Variants in ELMO1 observed in about 807,000 individuals in gnomAD.
ELMO1 encodes engulfment and cell motility 1.
ELMO1 carries 26 observed loss-of-function variants against 98.9 expected under a neutral mutation model. The observed-to-expected ratio is 0.26, with a 90% CI of 0.19 to 0.36. The LOEUF (loss-of-function observed/expected upper bound fraction) is 0.36. Ranked by LOEUF, ELMO1 falls within the 10% of genes least tolerant of loss-of-function variation. ELMO1 has a pLI of 1.00. For synonymous variants in ELMO1, 346 were observed against 346.0 expected (o/e 1.00, Z 0.00); for missense variants, 627 against 935.2 (o/e 0.67, Z 4.30).
chr7:36,866,204 T>G lies in ELMO1; in HGVS notation c.1905+4189A>C, dbSNP rs560701532. ...CACAAATCAGCTTATTTTTATAAAT[T>G]ATAGAGTTTGAATTTAGAATCCTTA... On this transcript the variant is annotated intron_variant, in intron 20 of 21. Transcript: ENST00000310758. Among the ~76,000 whole-genome samples the G allele has an allele frequency of 8.5e-5, 13 of 152,320 alleles. No individual in the cohort carries two copies. The East Asian group carries it at 2.5e-3, about 29-fold the overall frequency.
intron 13 of ELMO1, among the ~76,000 whole-genome samples, chr7:37,174,241 T>G (rs1013577338): frequency 3.3e-5 from 5 of 152,170 alleles, no homozygotes; most frequent in African/African-American, 1.2e-4. Context: ...TCATCTCACG[T>G]TTTTGTTAAT....
intron 2 of ELMO1, among the ~76,000 whole-genome samples, chr7:37,337,443 G>A (rs577434415): frequency 4.6e-5 from 7 of 151,790 alleles, no homozygotes; most frequent in African/African-American, 1.2e-4. Flanking sequence ...GAGTTAATGG[G>A]TGCAGCACAC....
At chr7:37,326,449 G>C (rs1367788432) in intron 2 of ELMO1, among the ~76,000 whole-genome samples, 1 of 151,648 alleles carries the variant, frequency 6.6e-6, no homozygotes, top group Non-Finnish European at 1.5e-5. Flanking sequence ...CAGCTACCCA[G>C]AGGGCTGAGG....
At chr7:37,360,093 T>G (rs1801642538) in intron 1 of ELMO1, among the ~76,000 whole-genome samples, 1 of 152,206 alleles carries the variant, frequency 6.6e-6, no homozygotes, top group African/African-American at 2.4e-5. Context: ...AGCTTTTACC[T>G]TTTCACTTCA....
chr7:37,002,697 G>GT (rs1284143320), intron 16 of ELMO1, among the ~76,000 whole-genome samples: 1 of 152,224 alleles, frequency 6.6e-6, no homozygotes, highest in African/African-American at 2.4e-5. Flanking sequence ...CATTTGAAGA[G>GT]TAAGTTGGAT....
At chr7:37,296,113 T>A (rs1798015419) in intron 4 of ELMO1, among the ~76,000 whole-genome samples, 1 of 152,178 alleles carries the variant, frequency 6.6e-6, no homozygotes, top group African/African-American at 2.4e-5. Context: ...TTTCTATGGA[T>A]CAGGAGTCTA....
intron 15 of ELMO1, among the ~76,000 whole-genome samples, chr7:37,059,512 T>C (rs1796559083): frequency 6.6e-6 from 1 of 152,234 alleles, no homozygotes. Context: ...TTTCTGTGTT[T>C]CACTGCTTTT....
chr7:37,230,401 C>A (rs1400155833), intron 8 of ELMO1, among the ~76,000 whole-genome samples: 1 of 152,108 alleles, frequency 6.6e-6, no homozygotes, highest in African/African-American at 2.4e-5. Flanking sequence ...AAGCAAGGCT[C>A]CGGGAACTAT....
In ELMO1 at chr7:36,940,390, T is replaced by G. The variant is rs190868518; in HGVS notation, c.1438-45373A>C. Among the ~76,000 whole-genome samples the G allele has an allele frequency of 3.9e-5, 6 of 152,312 alleles. No individual in the cohort carries two copies. In the South Asian group the frequency reaches 1.0e-3, roughly 26 times the overall value. The stretch of plus-strand genomic sequence containing the variant: ...TTTCTACAGTGGGACTTAAGGAGAA[T>G]AGGGAACTACCAAAGCTCCTCTGAG... On this transcript the variant is annotated intron_variant, in intron 16 of 21. Transcript: ENST00000310758.
At chr7:37,103,612 G>A (rs1384297855) in intron 14 of ELMO1, among the ~76,000 whole-genome samples, 2 of 151,818 alleles carry the variant, frequency 1.3e-5, no homozygotes, top group Non-Finnish European at 2.9e-5. Context: ...GCACAACGTG[G>A]CACATGTATA....
At chr7:37,318,656 A>G (rs972948375) in intron 2 of ELMO1, among the ~76,000 whole-genome samples, 1 of 152,226 alleles carries the variant, frequency 6.6e-6, no homozygotes, top group Non-Finnish European at 1.5e-5. Context: ...GACAAAGATG[A>G]AAGAAAAACT....
At chr7:37,382,984 T>G (rs938722530) in intron 1 of ELMO1, among the ~76,000 whole-genome samples, 1 of 152,224 alleles carries the variant, frequency 6.6e-6, no homozygotes, top group Non-Finnish European at 1.5e-5. Context: ...TATGAGTAAG[T>G]TGCAGATGTG....
At chr7:37,417,308 G>A (rs78546233) in intron 1 of ELMO1, among the ~76,000 whole-genome samples, 3,912 of 152,206 alleles carry the variant, frequency 0.026, 178 homozygotes, top group African/African-American at 0.087. Context: ...GGTCATTTGG[G>A]CAGGTGCTAA....
At chr7:37,048,171 G>A (rs1487704201) in intron 15 of ELMO1, among the ~76,000 whole-genome samples, 5 of 152,160 alleles carry the variant, frequency 3.3e-5, no homozygotes, top group African/African-American at 1.2e-4. Context: ...AGGGTGTTTA[G>A]CAGCATTCCT....
At chr7:37,077,984 G>A (rs968215311) in intron 15 of ELMO1, among the ~76,000 whole-genome samples, 11 of 152,078 alleles carry the variant, frequency 7.2e-5, no homozygotes, top group Non-Finnish European at 1.5e-4. Context: ...TATGTCATAA[G>A]TAATGTCTAT....
chr7:37,068,032 G>C (rs1357945629), intron 15 of ELMO1, among the ~76,000 whole-genome samples: 1 of 152,202 alleles, frequency 6.6e-6, no homozygotes, highest in Non-Finnish European at 1.5e-5. Context: ...ACTGGGCTAA[G>C]AGAATGGAGA....
chr7:37,436,942 G>A (rs745426219), intron 1 of ELMO1, among the ~76,000 whole-genome samples: 1 of 152,128 alleles, frequency 6.6e-6, no homozygotes, highest in Non-Finnish European at 1.5e-5. Context: ...CTGGTTGACA[G>A]CTTGATCATC....
intron 4 of ELMO1, among the ~76,000 whole-genome samples, chr7:37,300,925 G>A (rs918767145): frequency 2.6e-5 from 4 of 152,176 alleles, no homozygotes; most frequent in South Asian, 4.1e-4. Context: ...GTAAGCTATT[G>A]ATTATTGCCA....
chr7:37,153,559 G>A (rs1218902187), intron 13 of ELMO1, among the ~76,000 whole-genome samples: 1 of 152,166 alleles, frequency 6.6e-6, no homozygotes, highest in Non-Finnish European at 1.5e-5. Flanking sequence ...GATCAACCTG[G>A]GATGCTGGAG....
Sources: allele counts gnomAD v4.1 joint callset (sites outside exome capture counted in the v4.1 genomes callset), GRCh38; gene constraint gnomAD v4.1.1; transcripts MANE v1.5; gene names NCBI Gene and HGNC (gene_info 2026-07-23, HGNC 2026-07-21).